The following NOX4 variants were observed in gnomAD, a reference collection of about 807,000 sequenced individuals.
NOX4 encodes the protein NADPH oxidase 4.
A neutral mutation model predicts 87.6 loss-of-function variants in NOX4; 69 were observed. The observed-to-expected ratio is 0.79, with a 90% confidence interval of 0.65 to 0.96. The LOEUF (loss-of-function observed/expected upper bound fraction) is 0.96. Ranked by LOEUF, NOX4 falls within the 40% of genes least tolerant of loss-of-function variation. NOX4 has a pLI of 0.00. For missense variants in NOX4, 680 were observed against 681.5 expected (o/e 1.00, Z 0.02); for synonymous variants, 275 against 238.2 (o/e 1.15, Z -1.42).
the NOX4 span, among the ~76,000 whole-genome samples, chr11:89,543,622 CGAG>C: frequency 6.6e-6 from 1 of 151,786 alleles, no homozygotes; most frequent in African/African-American, 2.4e-5. Flanking sequence ...AATAGGGAGT[CGAG>C]GACGCTGTCT....
At chr11:89,406,132 GGT>G (rs1305720126) in intron 8 of NOX4, among the ~76,000 whole-genome samples, 3 of 151,750 alleles carry the variant, frequency 2.0e-5, no homozygotes, top group Non-Finnish European at 2.9e-5. Flanking sequence ...TCATTTCTTT[GGT>G]ATTAGTGCAG....
At chr11:89,424,064 C>A (rs978666035) in intron 7 of NOX4, among the ~76,000 whole-genome samples, 2 of 151,586 alleles carry the variant, frequency 1.3e-5, no homozygotes, top group Non-Finnish European at 2.9e-5. Flanking sequence ...GAGAGAAAGA[C>A]CCTGTCTCAA....
At chr11:89,348,804 G>T (rs1342733357) in intron 13 of NOX4, among the ~76,000 whole-genome samples, 1 of 151,932 alleles carries the variant, frequency 6.6e-6, no homozygotes, top group Non-Finnish European at 1.5e-5. Flanking sequence ...AACAAATCTG[G>T]ATTGGAGACC....
chr11:89,560,494 A>T, the NOX4 span, among the ~76,000 whole-genome samples: 1 of 152,198 alleles, frequency 6.6e-6, no homozygotes, highest in Middle Eastern at 3.4e-3. Flanking sequence ...TGGATTAAGG[A>T]GTACTTAGAG....
At chr11:89,440,125 G>A (rs752332649) in intron 6 of NOX4, among the ~76,000 whole-genome samples, 1 of 152,008 alleles carries the variant, frequency 6.6e-6, no homozygotes, top group African/African-American at 2.4e-5. Flanking sequence ...AAGAATATAC[G>A]ACAGTGAAAT....
At chr11:89,341,944 T>A in intron 14 of NOX4, 130 bp downstream of exon 14, 1 of 776,006 alleles carries the variant, frequency 1.3e-6, no homozygotes, top group Non-Finnish European at 2.0e-6. Context: ...CCCTCACCAA[T>A]CAGGAAATGG....
At chr11:89,394,354 A>G (rs1941331340) in intron 11 of NOX4, among the ~76,000 whole-genome samples, 1 of 99,392 alleles carries the variant, frequency 1.0e-5, no homozygotes, top group Admixed American at 1.0e-4. Flanking sequence ...AGTTTAAAAA[A>G]CAACAAAAAA....
At chr11:89,535,639 T>C in the NOX4 span, among the ~76,000 whole-genome samples, 1 of 152,132 alleles carries the variant, frequency 6.6e-6, no homozygotes, top group African/African-American at 2.4e-5. Flanking sequence ...TTCCTCTGTG[T>C]CTCTCATCTT....
chr11:89,581,680 T>G, the NOX4 span, among the ~76,000 whole-genome samples: 1 of 152,110 alleles, frequency 6.6e-6, no homozygotes, highest in Non-Finnish European at 1.5e-5. Flanking sequence ...AATATATTAC[T>G]GCTTTTTTTA....
At chr11:89,376,398 A>G (rs1162032092) in intron 11 of NOX4, among the ~76,000 whole-genome samples, 1 of 152,200 alleles carries the variant, frequency 6.6e-6, no homozygotes, top group Non-Finnish European at 1.5e-5. Flanking sequence ...CCTAGATCAC[A>G]TTGTGGTGAT....
chr11:89,540,334 G>A, the NOX4 span, among the ~76,000 whole-genome samples: 1 of 151,854 alleles, frequency 6.6e-6, no homozygotes, highest in African/African-American at 2.4e-5. Flanking sequence ...TTCATCCTCC[G>A]AGTCATTCTT....
At chr11:89,471,385 C>CA (rs201786491) in intron 2 of NOX4, among the ~76,000 whole-genome samples, 2,220 of 151,898 alleles carry the variant, frequency 0.015, 31 homozygotes, top group Middle Eastern at 0.055. Context: ...CGAAAGTCAA[C>CA]AAAAAATAGT....
At chr11:89,438,919 AATATATATAATAATATAAT>A (rs1944321825) in intron 6 of NOX4, among the ~76,000 whole-genome samples, 1 of 34,842 alleles carries the variant, frequency 2.9e-5, no homozygotes, top group African/African-American at 8.8e-5. Context: ...TATAATATAA[AATATATATAATAATATAAT>A]ATATATTATT....
intron 14 of NOX4, among the ~76,000 whole-genome samples, chr11:89,341,204 C>A (rs987144227): frequency 2.7e-5 from 4 of 146,934 alleles, no homozygotes; most frequent in African/African-American, 1.0e-4. Context: ...CTCACTGCAA[C>A]CCCCACCTCC....
At chr11:89,409,750 A>T (rs1942376972) in intron 8 of NOX4, among the ~76,000 whole-genome samples, 1 of 152,188 alleles carries the variant, frequency 6.6e-6, no homozygotes, top group African/African-American at 2.4e-5. Flanking sequence ...AAAAAACTTT[A>T]TATCTTAAAG....
the NOX4 span, among the ~76,000 whole-genome samples, chr11:89,556,709 G>A: frequency 8.5e-5 from 13 of 152,060 alleles, no homozygotes; most frequent in East Asian, 3.9e-4. Context: ...TCAGGGGAAC[G>A]GTAATTAGTA....
At chr11:89,391,447 A>C (rs1323657005) in intron 11 of NOX4, among the ~76,000 whole-genome samples, 1 of 152,146 alleles carries the variant, frequency 6.6e-6, no homozygotes, top group Non-Finnish European at 1.5e-5. Context: ...GCATTAACTA[A>C]ATGAGTGAAC....
the NOX4 span, among the ~76,000 whole-genome samples, chr11:89,506,221 G>GAA: frequency 1.9e-3 from 189 of 100,174 alleles, no homozygotes; most frequent in South Asian, 5.6e-3. Flanking sequence ...AAGAAAGAAA[G>GAA]AGAGAAAGAA....
At chr11:89,423,908 TA>T (rs530629196) in intron 7 of NOX4, among the ~76,000 whole-genome samples, 2 of 151,300 alleles carry the variant, frequency 1.3e-5, no homozygotes, top group South Asian at 2.1e-4. Flanking sequence ...TAAATACAAT[TA>T]AAAAAAATAA....
Sources: gnomAD v4.1 joint callset for allele counts (sites outside exome capture counted in the v4.1 genomes callset) on GRCh38, gnomAD v4.1.1 for gene constraint, MANE v1.5 for transcripts, NCBI Gene and HGNC (gene_info 2026-07-23, HGNC 2026-07-21) for gene names.